The following AUTS2 variants were observed in gnomAD, a reference collection of about 807,000 sequenced individuals.
The protein encoded by AUTS2 is autism susceptibility gene 2 protein.
Under a neutral mutation model 112.4 loss-of-function variants are expected in AUTS2, and 17 were observed. That is an observed-to-expected ratio of 0.15 (90% confidence interval 0.10 to 0.23). The LOEUF is 0.23. AUTS2 is among the 10% of genes least tolerant of loss of function. The pLI is 1.00. For synonymous variants in AUTS2, 751 were observed against 702.7 expected (o/e 1.07, Z -1.09); for missense variants, 1,510 against 1,701.6 (o/e 0.89, Z 1.98).
At chr7:70,722,863 G>C (rs1038631881) in intron 6 of AUTS2, among the ~76,000 whole-genome samples, 3 of 152,186 alleles carry the variant, frequency 2.0e-5, no homozygotes, top group African/African-American at 7.2e-5. Flanking sequence ...GTGTCAGACA[G>C]GCCCTTAAAT....
chr7:70,762,161 A>G (rs1352311060), intron 6 of AUTS2, among the ~76,000 whole-genome samples: 1 of 152,232 alleles, frequency 6.6e-6, no homozygotes. Context: ...AATAGAAAAC[A>G]CTTCTCTTTT....
chr7:70,410,842 ATTATTATTG>A (rs1794745541), intron 4 of AUTS2, among the ~76,000 whole-genome samples: 1 of 150,170 alleles, frequency 6.7e-6, no homozygotes, highest in African/African-American at 2.4e-5. Flanking sequence ...AATTATTATT[ATTATTATTG>A]TTATTATTAT....
rs1173628813 is a variant in AUTS2 at position 70,790,298 on chromosome 7, G to T, written c.3082G>T (p.Val1028Leu). The T allele has an allele frequency of 6.2e-7, 1 of 1,613,568 alleles. No homozygotes were observed. The highest frequency in any genetic ancestry group is 1.1e-5 in the South Asian group (1 of 91,064). ...PLASMPMTVGVTGIHPMNSIS... is the reference protein window; with the variant it reads ...PLASMPMTVGLTGIHPMNSIS... Reference sequence around the variant, plus strand: ...GGCCTCGATGCCCATGACGGTGGGGGTGACGGGCATTCACCCCATGAACAG... The same window carrying T: ...GGCCTCGATGCCCATGACGGTGGGGTTGACGGGCATTCACCCCATGAACAG... Residue 1028 changes from valine (V) to leucine (L), a missense_variant, in exon 19 of 19, where the codon GTG becomes TTG. By Grantham distance (32) the Val-to-Leu change is conservative. Around this residue, in one of 3 missense-constraint regions of AUTS2, gnomAD observed 788 missense variants for 797.6 expected, o/e 0.99. Coordinates refer to ENST00000342771, the MANE Select transcript of AUTS2 (RefSeq NM_015570.4). The surrounding 1 kb of genome is among the most constrained non-coding windows in gnomAD (Gnocchi z 7.6).
At chr7:70,435,327 AG>A (rs1228775024) in intron 4 of AUTS2, among the ~76,000 whole-genome samples, 1 of 152,230 alleles carries the variant, frequency 6.6e-6, no homozygotes, top group East Asian at 1.9e-4. Flanking sequence ...CATTCACATT[AG>A]CTGAAGATAG....
chr7:69,720,129 A>G (rs1229390276), intron 1 of AUTS2, among the ~76,000 whole-genome samples: 1 of 152,210 alleles, frequency 6.6e-6, no homozygotes. Context: ...GTGTAAGAAA[A>G]TGGAAAGCTG....
At chr7:70,686,693 C>T (rs1182764140) in intron 5 of AUTS2, among the ~76,000 whole-genome samples, 5 of 151,698 alleles carry the variant, frequency 3.3e-5, no homozygotes, top group Admixed American at 1.3e-4. Context: ...CCACTATGCC[C>T]GGTTAATTTT....
At chr7:70,520,937 G>C (rs1390520637) in intron 5 of AUTS2, among the ~76,000 whole-genome samples, 3 of 152,092 alleles carry the variant, frequency 2.0e-5, no homozygotes, top group Non-Finnish European at 4.4e-5. Flanking sequence ...AATCTTTCTG[G>C]TGCTTCCTTT....
intron 5 of AUTS2, among the ~76,000 whole-genome samples, chr7:70,442,730 G>A (rs772493301): frequency 6.6e-5 from 10 of 152,002 alleles, no homozygotes; most frequent in Non-Finnish European, 1.2e-4. Context: ...TCAGGTGACC[G>A]GCCCATATTG....
chr7:70,311,020 GTAAAT>G (rs1789725450), intron 4 of AUTS2, among the ~76,000 whole-genome samples: 1 of 152,146 alleles, frequency 6.6e-6, no homozygotes, highest in Non-Finnish European at 1.5e-5. Flanking sequence ...TTAAAAAAAA[GTAAAT>G]TTCAAAAGCA....
At chr7:70,470,934 C>CG (rs1269565866) in intron 5 of AUTS2, among the ~76,000 whole-genome samples, 2 of 152,054 alleles carry the variant, frequency 1.3e-5, no homozygotes, top group African/African-American at 4.8e-5. Context: ...GATATCTTTA[C>CG]GGGGAATCAT....
At chr7:70,420,960 G>T (rs541539038) in intron 4 of AUTS2, among the ~76,000 whole-genome samples, 2 of 152,258 alleles carry the variant, frequency 1.3e-5, no homozygotes, top group Admixed American at 1.3e-4. Context: ...ATAGTGAACA[G>T]TATCCCATAA....
At position 70,727,263 on chromosome 7, in the gene AUTS2, G is replaced by A. The variant is rs1030323321; in HGVS notation, c.742+28643G>A. 3.3e-5 allele frequency among the ~76,000 whole-genome samples: 5 copies of A among 152,330 alleles called. No homozygotes were observed. In the South Asian group the frequency reaches 8.3e-4, roughly 25 times the overall value. On this transcript the variant is annotated intron_variant, in intron 6 of 18. Transcript: ENST00000342771. ...AAAGCAACGGTAATTGTACACAAGT[G>A]TGTTTTCAGATTTCTGTCATAGCAA...
intron 2 of AUTS2, among the ~76,000 whole-genome samples, chr7:70,066,123 A>C (rs1203830814): frequency 6.6e-6 from 1 of 152,204 alleles, no homozygotes; most frequent in Non-Finnish European, 1.5e-5. Flanking sequence ...CAGTTTGATA[A>C]TTTTGCCATC....
chr7:70,191,546 A>G (rs1311954087), intron 4 of AUTS2, among the ~76,000 whole-genome samples: 3 of 152,152 alleles, frequency 2.0e-5, no homozygotes, highest in Admixed American at 1.3e-4. Context: ...ATCAACTTTC[A>G]TGTCTTATTT....
At chr7:70,382,496 G>A (rs1793413634) in intron 4 of AUTS2, among the ~76,000 whole-genome samples, 2 of 152,130 alleles carry the variant, frequency 1.3e-5, no homozygotes, top group African/African-American at 2.4e-5. Context: ...CCTCTATCTG[G>A]CAGTAAAGAC....
intron 1 of AUTS2, among the ~76,000 whole-genome samples, chr7:69,625,263 G>A (rs966476503): frequency 2.0e-5 from 3 of 152,194 alleles, no homozygotes; most frequent in Admixed American, 6.5e-5. Context: ...AAGTAGTTCT[G>A]TGTGTCTACT....
chr7:70,363,552 T>C (rs1394516667), intron 4 of AUTS2, among the ~76,000 whole-genome samples: 2 of 151,984 alleles, frequency 1.3e-5, no homozygotes, highest in Non-Finnish European at 1.5e-5. Context: ...GAAAGAATTA[T>C]TTATTTAAAT....
At chr7:70,371,829 C>G (rs1269601168) in intron 4 of AUTS2, among the ~76,000 whole-genome samples, 1 of 152,152 alleles carries the variant, frequency 6.6e-6, no homozygotes, top group Non-Finnish European at 1.5e-5. Flanking sequence ...CGTGCCATTT[C>G]TATGCAAACC....
intron 5 of AUTS2, among the ~76,000 whole-genome samples, chr7:70,479,309 C>T (rs190367411): frequency 3.3e-5 from 5 of 152,192 alleles, no homozygotes; most frequent in East Asian, 3.9e-4. Context: ...GGGGAAAGGA[C>T]ACTTGGAGCC....
Sources: allele counts gnomAD v4.1 joint callset (sites outside exome capture counted in the v4.1 genomes callset), GRCh38; gene constraint gnomAD v4.1.1; regional missense constraint gnomAD v4.1.1; non-coding constraint Gnocchi (gnomAD v3.1); transcripts MANE v1.5; gene names NCBI Gene and HGNC (gene_info 2026-07-23, HGNC 2026-07-21).